RPS6KA5: variants seen among roughly 807,000 people sequenced by gnomAD.
RPS6KA5 encodes ribosomal protein S6 kinase A5.
In RPS6KA5, 27 loss-of-function variants were observed where a neutral mutation model predicts 85.5. The observed-to-expected ratio is 0.32, with a 90% CI of 0.23 to 0.44. The LOEUF (loss-of-function observed/expected upper bound fraction) is 0.44. Ranked by LOEUF, RPS6KA5 falls within the 20% of genes least tolerant of loss-of-function variation. The pLI is 1.00. For synonymous variants in RPS6KA5, 334 were observed against 348.2 expected, an observed-to-expected ratio of 0.96 and a Z score of 0.46; for missense variants, 811 against 980.9, an observed-to-expected ratio of 0.83 and a Z score of 2.31.
chr14:90,949,679 A>G (rs1471809216), intron 3 of RPS6KA5, among the ~76,000 whole-genome samples: 2 of 152,202 alleles, frequency 1.3e-5, no homozygotes, highest in Non-Finnish European at 2.9e-5. Flanking sequence ...TAACTGATGG[A>G]CCTGAACTAG....
Position 90,870,987 on chromosome 14 carries a change from AG to A in RPS6KA5, c.*1086del. ...ATGCTTTCTGGATTTAAAATTTAAC[AG>A]AAAAATTTCCAAACAAGTCATAGGT... On this transcript the variant is annotated 3_prime_UTR_variant, in exon 17 of 17. Transcript: ENST00000614987. 6.5e-6 allele frequency: 1 copy of A among 152,710 alleles called. No individual in the cohort carries two copies. Among genetic ancestry groups the A allele is most frequent in the South Asian group, 2.1e-4 (1 of 4,824 alleles). 9.5% of individuals were successfully genotyped at this position (152,710 alleles called of 1,614,324 possible).
chr14:90,975,883 G>A (rs957333922), intron 3 of RPS6KA5, among the ~76,000 whole-genome samples: 10 of 152,294 alleles, frequency 6.6e-5, no homozygotes, highest in Admixed American at 6.5e-4. Context: ...ACAGAAGATA[G>A]AAGGGCATGA....
Position 90,853,243 on chromosome 14 carries a change from AATG to A in RPS6KA5, c.*18828_*18830del, listed in dbSNP as rs2032098932. On this transcript the variant is annotated 3_prime_UTR_variant, in exon 17 of 17. Coordinates refer to ENST00000614987, the MANE Select transcript of RPS6KA5 (RefSeq NM_004755.4). Reference sequence around the variant, plus strand: ...ACTTTATAAGGGATGAAGATGTCATAATGATATTTTCCACTGTAGAAACTTCTT... The same window carrying A: ...ACTTTATAAGGGATGAAGATGTCATAATATTTTCCACTGTAGAAACTTCTT... 1 of 152,208 alleles carries A rather than the reference AATG, an allele frequency of 6.6e-6. No individual in the cohort carries two copies. The highest frequency in any genetic ancestry group is 2.4e-5 in the African/African-American group (1 of 41,452). 9.4% of individuals were successfully genotyped at this position (152,208 alleles called of 1,614,324 possible). A position where few individuals can be genotyped will look rare whatever the true frequency, so the allele number is the denominator to read the frequency against.
intron 7 of RPS6KA5, among the ~76,000 whole-genome samples, chr14:90,915,219 C>T (rs74083897): frequency 0.023 from 3,480 of 152,222 alleles, 121 homozygotes; most frequent in African/African-American, 0.079. Flanking sequence ...TTGTAAAGGG[C>T]TCATGGTAGG....
intron 8 of RPS6KA5, 129 bp from the exon 9 acceptor site, chr14:90,903,098 C>A: frequency 2.6e-6 from 2 of 779,672 alleles, no homozygotes; most frequent in African/African-American, 1.8e-5. Flanking sequence ...TATTTCAAAT[C>A]AATAATAAAA....
At chr14:91,022,494 G>A (rs2041825917) in intron 1 of RPS6KA5, among the ~76,000 whole-genome samples, 1 of 152,148 alleles carries the variant, frequency 6.6e-6, no homozygotes, top group African/African-American at 2.4e-5. Flanking sequence ...GCAGCAACTA[G>A]AGGATGGTTG....
intron 1 of RPS6KA5, among the ~76,000 whole-genome samples, chr14:91,022,957 C>T (rs772249019): frequency 1.4e-4 from 21 of 151,752 alleles, no homozygotes; most frequent in African/African-American, 4.6e-4. Context: ...TGGTGGCGCA[C>T]GCCTGTAATC....
At chr14:91,058,129 C>G (rs1315159311) in intron 1 of RPS6KA5, among the ~76,000 whole-genome samples, 1 of 152,178 alleles carries the variant, frequency 6.6e-6, no homozygotes, top group Non-Finnish European at 1.5e-5. Context: ...GAAAGAAGTG[C>G]AGTTGGCTGA....
chr14:91,034,562 A>G (rs2042321321), intron 1 of RPS6KA5, among the ~76,000 whole-genome samples: 2 of 152,146 alleles, frequency 1.3e-5, no homozygotes, highest in African/African-American at 4.8e-5. Flanking sequence ...CACTCTGTAA[A>G]ATGGACCAAT....
chr14:90,921,135 T>A (rs1411686421), intron 6 of RPS6KA5, among the ~76,000 whole-genome samples: 2 of 152,158 alleles, frequency 1.3e-5, no homozygotes, highest in African/African-American at 4.8e-5. Flanking sequence ...AAATATTAAC[T>A]AGATGTTAAA....
chr14:90,877,484 GT>G lies in RPS6KA5; in HGVS notation c.1837-2125del, dbSNP rs369514660. ...CCCCCAACCTCACTTCTTCCCTCCTGTATCCTTCATGCAGACACCAGAGTAA... is the reference window on the plus strand; with the variant it reads ...CCCCCAACCTCACTTCTTCCCTCCTGATCCTTCATGCAGACACCAGAGTAA... On this transcript the variant is annotated intron_variant, in intron 14 of 16. Coordinates refer to ENST00000614987, the MANE Select transcript of RPS6KA5 (RefSeq NM_004755.4). Among the ~76,000 whole-genome samples, 6 of 152,224 alleles carry G rather than the reference GT, an allele frequency of 3.9e-5. 1 individual carries two copies. The highest frequency in any genetic ancestry group is 1.4e-4 in the African/African-American group (6 of 41,554).
intron 1 of RPS6KA5, among the ~76,000 whole-genome samples, chr14:91,025,038 G>A (rs2041934473): frequency 6.6e-6 from 1 of 151,162 alleles, no homozygotes; most frequent in Non-Finnish European, 1.5e-5. Context: ...GCATCACCAT[G>A]CCAGTCTAAC....
At chr14:90,935,528 G>A (rs769973318) in intron 5 of RPS6KA5, among the ~76,000 whole-genome samples, 3 of 152,140 alleles carry the variant, frequency 2.0e-5, no homozygotes, top group Non-Finnish European at 4.4e-5. Flanking sequence ...GGTTAATGAC[G>A]AAGTGACTTG....
At chr14:90,951,880 G>C (rs1053877171) in intron 3 of RPS6KA5, among the ~76,000 whole-genome samples, 2 of 152,030 alleles carry the variant, frequency 1.3e-5, no homozygotes, top group African/African-American at 4.8e-5. Context: ...AGTATGGGAA[G>C]GGGAAACTTT....
Position 91,060,044 on chromosome 14 carries a change from TC to T in RPS6KA5, c.103+287del, listed in dbSNP as rs201696535. 2,045 of 985,354 alleles carry T rather than the reference TC, an allele frequency of 2.1e-3. 15 individuals are homozygous for T. In the African/African-American group the frequency reaches 0.023, roughly 11 times the overall value. The allele number at this position is 985,354 out of a possible 1,614,324, so 61.0% of individuals were successfully genotyped here. A position where few individuals can be genotyped will look rare whatever the true frequency, so the allele number is the denominator to read the frequency against. Reference sequence around the variant, plus strand: ...TGTGCGGGAAGGGGGAGCAGCGACATCCTCGGAGGTGCGTGCCACGGGCAGC... The same window carrying T: ...TGTGCGGGAAGGGGGAGCAGCGACATCTCGGAGGTGCGTGCCACGGGCAGC... On this transcript the variant is annotated intron_variant, in intron 1 of 16. Transcript: ENST00000614987.
rs577412843 is a variant in RPS6KA5, at chr14:91,052,235, G to T, written c.103+8097C>A. ...GGCCCAGGCAGATGGATCATCTGAG[G>T]TAAGGAGTTCAAGACCAGCCTGGCC... On this transcript the variant is annotated intron_variant, in intron 1 of 16. Transcript: ENST00000614987. 14 of 325,610 alleles carry T rather than the reference G, an allele frequency of 4.3e-5. No individual in the cohort carries two copies. In the East Asian group the frequency reaches 1.3e-3, roughly 31 times the overall value. 20.2% of individuals were successfully genotyped at this position (325,610 alleles called of 1,614,324 possible). A position where few individuals can be genotyped will look rare whatever the true frequency, so the allele number is the denominator to read the frequency against.
chr14:90,924,944 C>G (rs1214586227), intron 5 of RPS6KA5, among the ~76,000 whole-genome samples: 1 of 152,206 alleles, frequency 6.6e-6, no homozygotes, highest in East Asian at 1.9e-4. Flanking sequence ...CAGATAAATT[C>G]TGGTGTAAAA....
chr14:91,058,529 G>A (rs180879341), intron 1 of RPS6KA5, among the ~76,000 whole-genome samples: 1 of 152,344 alleles, frequency 6.6e-6, no homozygotes. Flanking sequence ...AGCTTTTGCT[G>A]TACAGTAGGA....
intron 14 of RPS6KA5, among the ~76,000 whole-genome samples, chr14:90,877,572 AGTCTC>A (rs2033560711): frequency 6.6e-6 from 1 of 152,206 alleles, no homozygotes; most frequent in Admixed American, 6.5e-5. Context: ...GGCTTCCTTC[AGTCTC>A]TGACTCTTGC....
Sources: gnomAD v4.1 joint callset for allele counts (sites outside exome capture counted in the v4.1 genomes callset) on GRCh38, gnomAD v4.1.1 for gene constraint, MANE v1.5 for transcripts, NCBI Gene and HGNC (gene_info 2026-07-23, HGNC 2026-07-21) for gene names.